HIVEP1: variants seen among roughly 807,000 people sequenced by gnomAD.
The protein encoded by HIVEP1 is HIVEP zinc finger 1, also known as zinc finger protein 40.
A neutral mutation model predicts 180.0 loss-of-function variants in HIVEP1; 36 were observed. The ratio of observed to expected loss-of-function variants is 0.20; its 90% CI spans 0.15 to 0.26. The LOEUF (loss-of-function observed/expected upper bound fraction) is 0.26. HIVEP1 is among the 10% of genes least tolerant of loss of function. The pLI, the probability that HIVEP1 is intolerant of heterozygous loss-of-function variation, is 1.00. For missense variants in HIVEP1, 3,143 were observed against 3,268.7 expected, an observed-to-expected ratio of 0.96 and a Z score of 0.94; for synonymous variants, 1,239 against 1,239.0, an observed-to-expected ratio of 1.00 and a Z score of 0.00.
At chr6:12,138,268 T>C (rs767754821) in intron 7 of HIVEP1, among the ~76,000 whole-genome samples, 2 of 152,240 alleles carry the variant, frequency 1.3e-5, no homozygotes, top group Non-Finnish European at 2.9e-5. Context: ...TCTTTAATTA[T>C]ACCTAATATT....
At chr6:12,188,397 A>C in the HIVEP1 span, among the ~76,000 whole-genome samples, 1 of 152,210 alleles carries the variant, frequency 6.6e-6, no homozygotes, top group African/African-American at 2.4e-5. Flanking sequence ...ACAAACACAC[A>C]CAAGTTTCTA....
chr6:12,053,944 G>T, intron 2 of HIVEP1, among the ~76,000 whole-genome samples: 1 of 152,134 alleles, frequency 6.6e-6, no homozygotes, highest in East Asian at 1.9e-4. Context: ...GAAAGGGAAC[G>T]TACATTTGAT....
the HIVEP1 span, among the ~76,000 whole-genome samples, chr6:12,208,554 T>C: frequency 6.6e-6 from 1 of 152,154 alleles, no homozygotes; most frequent in Non-Finnish European, 1.5e-5. Context: ...CCCACATTCA[T>C]ATGTTGAAGT....
intron 3 of HIVEP1, among the ~76,000 whole-genome samples, chr6:12,118,329 T>C (rs16872277): frequency 0.063 from 9,609 of 152,292 alleles, 358 homozygotes; most frequent in Middle Eastern, 0.15. Flanking sequence ...ATTTCAAATA[T>C]GTACGTTGCA....
At chr6:12,114,129 C>T (rs1775076163) in intron 3 of HIVEP1, among the ~76,000 whole-genome samples, 2 of 152,172 alleles carry the variant, frequency 1.3e-5, no homozygotes, top group Admixed American at 6.5e-5. Flanking sequence ...TTTTACTTTA[C>T]AGCCATATCC....
intron 2 of HIVEP1, among the ~76,000 whole-genome samples, chr6:12,046,278 A>G (rs1770108179): frequency 6.6e-6 from 1 of 152,230 alleles, no homozygotes; most frequent in African/African-American, 2.4e-5. Context: ...CTGTGTTATT[A>G]GGGATAATGG....
intron 2 of HIVEP1, among the ~76,000 whole-genome samples, chr6:12,064,924 C>A (rs989719554): frequency 6.6e-6 from 1 of 152,128 alleles, no homozygotes. Flanking sequence ...GATGTGAATC[C>A]AGCCATATTG....
At chr6:12,016,980 A>G (rs967092429) in intron 2 of HIVEP1, among the ~76,000 whole-genome samples, 2 of 152,220 alleles carry the variant, frequency 1.3e-5, no homozygotes, top group African/African-American at 4.8e-5. Flanking sequence ...GATGAGCAGC[A>G]GCCCTAGCCC....
At chr6:12,209,383 A>C in the HIVEP1 span, among the ~76,000 whole-genome samples, 1 of 152,328 alleles carries the variant, frequency 6.6e-6, no homozygotes. Flanking sequence ...CAGTGAGTCC[A>C]GATAGCACCG....
chr6:12,028,267 C>G (rs1581525503), intron 2 of HIVEP1, among the ~76,000 whole-genome samples: 1 of 152,334 alleles, frequency 6.6e-6, no homozygotes, highest in South Asian at 2.1e-4. Context: ...TGGCCCGGCT[C>G]TGAGGTGTTG....
chr6:12,113,650 C>G (rs967336521), intron 3 of HIVEP1, among the ~76,000 whole-genome samples: 1 of 152,142 alleles, frequency 6.6e-6, no homozygotes, highest in African/African-American at 2.4e-5. Context: ...CTAGAGTAAC[C>G]TGGTTGTAGA....
chr6:12,122,101 C>T lies in HIVEP1; in HGVS notation c.2306C>T (p.Pro769Leu), dbSNP rs750183728. 1.9e-6 allele frequency: 3 copies of T among 1,614,124 alleles called. No individual in the cohort carries two copies. Among genetic ancestry groups the T allele is most frequent in the Admixed American group, 1.7e-5 (1 of 60,016 alleles). Residue 769 changes from proline to leucine, a missense_variant, in exon 4 of 9, where the codon CCG becomes CTG. By Grantham distance (98) the Pro-to-Leu change is moderately conservative (BLOSUM62 -3). Around this residue, in one of 12 missense-constraint regions of HIVEP1, gnomAD observed 32 missense variants for 70.0 expected, o/e 0.46. Coordinates refer to ENST00000379388, the MANE Select transcript of HIVEP1 (RefSeq NM_002114.4). ...VDDKQLDSVKPRRTSLSRRGS... is the reference protein window; with the variant it reads ...VDDKQLDSVKLRRTSLSRRGS... ...GACAAGCAACTGGATAGTGTGAAGC[C>T]GCGGAGAACCTCACTGTCAAGACGA...
intron 2 of HIVEP1, among the ~76,000 whole-genome samples, chr6:12,023,635 G>A (rs1768394611): frequency 6.7e-6 from 1 of 150,262 alleles, no homozygotes; most frequent in African/African-American, 2.4e-5. Context: ...TATGAAAATG[G>A]AGTTAACATA....
chr6:12,178,434 T>G, the HIVEP1 span, among the ~76,000 whole-genome samples: 7 of 152,214 alleles, frequency 4.6e-5, no homozygotes, highest in Middle Eastern at 0.017. Flanking sequence ...ACAAAAATAT[T>G]TGTTTAAATG....
At chr6:12,117,153 G>A (rs567452044) in intron 3 of HIVEP1, among the ~76,000 whole-genome samples, 2 of 152,232 alleles carry the variant, frequency 1.3e-5, no homozygotes, top group African/African-American at 4.8e-5. Context: ...ACCAGAAAAC[G>A]TATATGAAGA....
At chr6:12,074,548 T>A (rs1219440647) in intron 2 of HIVEP1, among the ~76,000 whole-genome samples, 16 of 151,998 alleles carry the variant, frequency 1.1e-4, no homozygotes, top group Admixed American at 1.0e-3. Flanking sequence ...GTAGTGTAGG[T>A]CTGTAGCAGG....
intron 2 of HIVEP1, among the ~76,000 whole-genome samples, chr6:12,065,502 G>T (rs565970503): frequency 6.6e-6 from 1 of 152,174 alleles, no homozygotes; most frequent in Non-Finnish European, 1.5e-5. Flanking sequence ...AGAATACAGG[G>T]ATGTGGCATA....
rs937901215 is a variant in HIVEP1, at chr6:12,055,546, C to T, written c.41-33638C>T. Among the ~76,000 whole-genome samples the T allele has an allele frequency of 4.6e-5, 7 of 152,176 alleles. No individual in the cohort carries two copies. The East Asian group carries it at 1.2e-3, about 25-fold the overall frequency. On this transcript the variant is annotated intron_variant, in intron 2 of 8. Transcript: ENST00000379388. Reference sequence around the variant, plus strand: ...AAAATAGAAAACCACAATGCCTCATCTGACCAGTTGGCACAAACCGGAGGA... The same window carrying T: ...AAAATAGAAAACCACAATGCCTCATTTGACCAGTTGGCACAAACCGGAGGA...
At chr6:12,206,871 G>T in the HIVEP1 span, among the ~76,000 whole-genome samples, 1 of 151,440 alleles carries the variant, frequency 6.6e-6, no homozygotes, top group Non-Finnish European at 1.5e-5. Context: ...CCAGGAGTGG[G>T]TGAGAAGCTG....
Sources: allele counts gnomAD v4.1 joint callset (sites outside exome capture counted in the v4.1 genomes callset), GRCh38; gene constraint gnomAD v4.1.1; regional missense constraint gnomAD v4.1.1; transcripts MANE v1.5; gene names NCBI Gene and HGNC (gene_info 2026-07-23, HGNC 2026-07-21).